FHIT: variants seen among roughly 807,000 people sequenced by gnomAD.
The protein encoded by FHIT is fragile histidine triad diadenosine triphosphatase, also known as bis(5'-adenosyl)-triphosphatase.
A neutral mutation model predicts 17.9 loss-of-function variants in FHIT; 19 were observed. The observed-to-expected ratio is 1.06, with a 90% CI of 0.74 to 1.56. The LOEUF is 1.56. Among genes scored for constraint, FHIT ranks in the 40% most tolerant of loss-of-function variants. The probability of loss-of-function intolerance (pLI) is 0.00; values close to 1 mark genes in which losing one functional copy is unlikely to be tolerated. For synonymous variants in FHIT, 81 were observed against 69.7 expected, an observed-to-expected ratio of 1.16 and a Z score of -0.81; for missense variants, 248 against 189.2, an observed-to-expected ratio of 1.31 and a Z score of -1.82.
intron 5 of FHIT, among the ~76,000 whole-genome samples, chr3:60,267,313 C>CAT (rs1450588829): frequency 1.3e-5 from 2 of 149,484 alleles, no homozygotes; most frequent in Non-Finnish European, 3.0e-5. Flanking sequence ...CATGAGGTCA[C>CAT]ATATACACAC....
intron 2 of FHIT, among the ~76,000 whole-genome samples, chr3:61,174,142 T>TC: frequency 1.3e-5 from 2 of 152,246 alleles, no homozygotes; most frequent in South Asian, 4.1e-4. Context: ...ACATACATCT[T>TC]CCCCCTATAG....
chr3:60,615,719 A>G (rs1163250272), intron 4 of FHIT, among the ~76,000 whole-genome samples: 1 of 152,250 alleles, frequency 6.6e-6, no homozygotes, highest in Non-Finnish European at 1.5e-5. Context: ...TTAACCTTTA[A>G]GAAACTTGTA....
At chr3:60,035,509 C>G (rs936845766) in intron 5 of FHIT, among the ~76,000 whole-genome samples, 1 of 152,174 alleles carries the variant, frequency 6.6e-6, no homozygotes, top group African/African-American at 2.4e-5. Context: ...CGTGAGCCAC[C>G]ACACCCAGCC....
intron 1 of FHIT, among the ~76,000 whole-genome samples, chr3:61,212,163 A>C (rs1040078739): frequency 6.6e-6 from 1 of 152,278 alleles, no homozygotes; most frequent in African/African-American, 2.4e-5. Flanking sequence ...AATGACTTTG[A>C]CAAGTTGAGA....
At chr3:60,588,933 T>A (rs544850520) in intron 4 of FHIT, among the ~76,000 whole-genome samples, 3 of 151,982 alleles carry the variant, frequency 2.0e-5, no homozygotes, top group Non-Finnish European at 4.4e-5. Flanking sequence ...CCAGGAAAAA[T>A]TGGTCATAAA....
chr3:60,006,499 G>A (rs1199782380), intron 7 of FHIT, among the ~76,000 whole-genome samples: 1 of 152,132 alleles, frequency 6.6e-6, no homozygotes, highest in Non-Finnish European at 1.5e-5. Flanking sequence ...GGGCCATGAT[G>A]TGGCAGGGCC....
chr3:61,217,788 G>C (rs2039727404), intron 1 of FHIT, among the ~76,000 whole-genome samples: 1 of 152,110 alleles, frequency 6.6e-6, no homozygotes, highest in Admixed American at 6.6e-5. Flanking sequence ...CCTGAAAGTA[G>C]TTTCAATGAA....
At chr3:60,620,545 A>G (rs2039091694) in intron 4 of FHIT, among the ~76,000 whole-genome samples, 1 of 151,980 alleles carries the variant, frequency 6.6e-6, no homozygotes, top group African/African-American at 2.4e-5. Context: ...CCAAATTTTA[A>G]GGGCTGCATA....
chr3:60,838,868 G>T (rs567251575), intron 3 of FHIT, among the ~76,000 whole-genome samples: 2 of 152,250 alleles, frequency 1.3e-5, no homozygotes, highest in South Asian at 4.1e-4. Context: ...AATCAGCACT[G>T]CTTGAGAGAA....
chr3:59,859,303 G>A (rs1051550019), intron 8 of FHIT, among the ~76,000 whole-genome samples: 1 of 152,152 alleles, frequency 6.6e-6, no homozygotes, highest in Non-Finnish European at 1.5e-5. Flanking sequence ...TGGCATGGAA[G>A]AATACATGAC....
chr3:61,193,476 T>A (rs1033153922), intron 2 of FHIT, among the ~76,000 whole-genome samples: 2 of 152,060 alleles, frequency 1.3e-5, no homozygotes, highest in Non-Finnish European at 2.9e-5. Flanking sequence ...GTGACCAGAG[T>A]GGACTAAAGT....
chr3:60,156,679 G>T (rs1281566499), intron 5 of FHIT, among the ~76,000 whole-genome samples: 1 of 152,156 alleles, frequency 6.6e-6, no homozygotes, highest in Non-Finnish European at 1.5e-5. Flanking sequence ...TTGAGCCTAA[G>T]AAGTTGAGGC....
intron 4 of FHIT, among the ~76,000 whole-genome samples, chr3:60,771,225 A>G (rs1459100357): frequency 6.6e-6 from 1 of 152,220 alleles, no homozygotes; most frequent in African/African-American, 2.4e-5. Flanking sequence ...CTAACTCTTC[A>G]TCTAGCTTTC....
intron 8 of FHIT, among the ~76,000 whole-genome samples, chr3:59,835,297 AG>A (rs1701301326): frequency 6.6e-6 from 1 of 152,196 alleles, no homozygotes; most frequent in Non-Finnish European, 1.5e-5. Flanking sequence ...GAAGAAAGTG[AG>A]AGTGATAATA....
chr3:60,058,573 C>CTTTT (rs1702178990), intron 5 of FHIT, among the ~76,000 whole-genome samples: 1 of 152,116 alleles, frequency 6.6e-6, no homozygotes, highest in Non-Finnish European at 1.5e-5. Context: ...GTGTAGTTTG[C>CTTTT]CATCACACAA....
intron 5 of FHIT, among the ~76,000 whole-genome samples, chr3:60,459,563 T>C (rs2032327756): frequency 6.6e-6 from 1 of 152,180 alleles, no homozygotes; most frequent in Non-Finnish European, 1.5e-5. Flanking sequence ...GAAACCACAA[T>C]AAGCTGCCAA....
chr3:60,224,623 C>A (rs1704106462), intron 5 of FHIT, among the ~76,000 whole-genome samples: 1 of 152,132 alleles, frequency 6.6e-6, no homozygotes, highest in Non-Finnish European at 1.5e-5. Context: ...TTTTGGACAA[C>A]AAATTATATG....
At chr3:59,931,041 G>A (rs1319644283) in intron 7 of FHIT, among the ~76,000 whole-genome samples, 1 of 152,080 alleles carries the variant, frequency 6.6e-6, no homozygotes, top group Non-Finnish European at 1.5e-5. Context: ...TTATCAAGTG[G>A]GCATAAAACC....
At chr3:60,611,397 C>T (rs916185953) in intron 4 of FHIT, among the ~76,000 whole-genome samples, 1 of 152,094 alleles carries the variant, frequency 6.6e-6, no homozygotes, top group Non-Finnish European at 1.5e-5. Flanking sequence ...TATAGGAACG[C>T]TAAGCATGTG....
Sources: gnomAD v4.1 joint callset for allele counts (sites outside exome capture counted in the v4.1 genomes callset) on GRCh38, gnomAD v4.1.1 for gene constraint, MANE v1.5 for transcripts, NCBI Gene and HGNC (gene_info 2026-07-23, HGNC 2026-07-21) for gene names.